Variants in IMMP2L observed in about 807,000 individuals in gnomAD.
IMMP2L encodes mitochondrial inner membrane protease subunit 2.
In IMMP2L, 18 loss-of-function variants were observed where a neutral mutation model predicts 19.3. That is an observed-to-expected ratio of 0.93 (90% CI 0.64 to 1.38). The LOEUF (loss-of-function observed/expected upper bound fraction) is 1.38. Ranked by LOEUF, IMMP2L falls within the 40% of genes most tolerant of loss-of-function variation. IMMP2L has a pLI of 0.00. For synonymous variants in IMMP2L, 76 were observed against 73.0 expected, an observed-to-expected ratio of 1.04 and a Z score of -0.21; for missense variants, 233 against 218.2, an observed-to-expected ratio of 1.07 and a Z score of -0.43.
At chr7:111,152,458 ATTTG>A (rs1372068358) in intron 3 of IMMP2L, among the ~76,000 whole-genome samples, 1 of 152,170 alleles carries the variant, frequency 6.6e-6, no homozygotes. Flanking sequence ...TTAGCACTGC[ATTTG>A]TTTATTTCTC....
chr7:111,197,603 T>C (rs377093241), intron 3 of IMMP2L, among the ~76,000 whole-genome samples: 5 of 152,288 alleles, frequency 3.3e-5, no homozygotes, highest in South Asian at 4.1e-4. Context: ...AATCATAGAA[T>C]TGGGCTTCAA....
intron 5 of IMMP2L, among the ~76,000 whole-genome samples, chr7:110,717,566 A>G (rs180717522): frequency 6.6e-6 from 1 of 152,350 alleles, no homozygotes; most frequent in East Asian, 1.9e-4. Flanking sequence ...CATAGCACCT[A>G]TTACTCTACT....
At chr7:111,124,201 T>C (rs766962009) in intron 3 of IMMP2L, 1 of 1,613,956 alleles carries the variant, frequency 6.2e-7, no homozygotes, top group Non-Finnish European at 8.5e-7. Flanking sequence ...CTATGTCCAT[T>C]CTGAGGGAAC....
At chr7:111,218,376 G>A (rs1040897625) in intron 3 of IMMP2L, among the ~76,000 whole-genome samples, 2 of 151,844 alleles carry the variant, frequency 1.3e-5, no homozygotes, top group African/African-American at 4.8e-5. Context: ...AAGAATGCAT[G>A]TACCTATGCT....
chr7:110,690,853 C>T (rs548495670), intron 5 of IMMP2L, among the ~76,000 whole-genome samples: 2 of 152,184 alleles, frequency 1.3e-5, no homozygotes, highest in East Asian at 3.9e-4. Flanking sequence ...ATTTCATGCT[C>T]ATGGATTGGA....
chr7:110,817,651 C>T (rs906900596), intron 5 of IMMP2L, among the ~76,000 whole-genome samples: 1 of 152,104 alleles, frequency 6.6e-6, no homozygotes, highest in Non-Finnish European at 1.5e-5. Flanking sequence ...GCCCGCATAG[C>T]CAAGTCAATC....
At chr7:111,000,436 A>G (rs1823536516) in intron 3 of IMMP2L, among the ~76,000 whole-genome samples, 1 of 152,236 alleles carries the variant, frequency 6.6e-6, no homozygotes, top group Non-Finnish European at 1.5e-5. Context: ...AATGTGATGT[A>G]ATAGAAATGA....
chr7:111,386,502 T>C (rs1831770930), intron 3 of IMMP2L, among the ~76,000 whole-genome samples: 1 of 152,134 alleles, frequency 6.6e-6, no homozygotes, highest in African/African-American at 2.4e-5. Flanking sequence ...GCATGCCAGC[T>C]ACTCAAATTC....
intron 1 of IMMP2L, among the ~76,000 whole-genome samples, chr7:111,537,560 G>A (rs1445576962): frequency 2.2e-5 from 3 of 134,032 alleles, no homozygotes; most frequent in Admixed American, 1.6e-4. Context: ...TTTTGAGACA[G>A]GGTCTCACTC....
intron 3 of IMMP2L, among the ~76,000 whole-genome samples, chr7:111,038,032 C>T (rs1166297987): frequency 1.3e-5 from 2 of 152,118 alleles, no homozygotes; most frequent in Admixed American, 6.6e-5. Flanking sequence ...TTGATAGATA[C>T]TATTATAGTG....
intron 2 of IMMP2L, among the ~76,000 whole-genome samples, chr7:111,520,840 T>C (rs1484716192): frequency 6.6e-6 from 1 of 152,160 alleles, no homozygotes; most frequent in Non-Finnish European, 1.5e-5. Flanking sequence ...CTTAATCTTT[T>C]CAATTAGCAA....
At chr7:111,132,155 C>T (rs554237018) in intron 3 of IMMP2L, among the ~76,000 whole-genome samples, 22 of 151,946 alleles carry the variant, frequency 1.4e-4, no homozygotes, top group African/African-American at 4.1e-4. Flanking sequence ...ACACAAAGAA[C>T]ACTAGTTTAT....
At chr7:110,783,791 C>T (rs1799896220) in intron 5 of IMMP2L, among the ~76,000 whole-genome samples, 1 of 151,870 alleles carries the variant, frequency 6.6e-6, no homozygotes, top group East Asian at 1.9e-4. Flanking sequence ...GAGAAGCAAG[C>T]TCTCTAAGGA....
At chr7:111,478,558 C>G (rs2132174265) in intron 3 of IMMP2L, among the ~76,000 whole-genome samples, 1 of 116,750 alleles carries the variant, frequency 8.6e-6, no homozygotes, top group African/African-American at 3.6e-5. Flanking sequence ...CCATGCCCAG[C>G]TTTTGTTTGT....
intron 5 of IMMP2L, among the ~76,000 whole-genome samples, chr7:110,864,107 C>A (rs1422667498): frequency 6.6e-6 from 1 of 152,006 alleles, no homozygotes; most frequent in African/African-American, 2.4e-5. Context: ...TGTATTAGTG[C>A]AAAATCAAAA....
intron 5 of IMMP2L, among the ~76,000 whole-genome samples, chr7:110,671,941 T>C (rs1321780443): frequency 6.6e-6 from 1 of 152,126 alleles, no homozygotes; most frequent in Non-Finnish European, 1.5e-5. Context: ...ATGCTGAATT[T>C]GCTAGCCCCT....
chr7:111,104,384 C>G (rs189603249), intron 3 of IMMP2L, among the ~76,000 whole-genome samples: 2 of 151,876 alleles, frequency 1.3e-5, no homozygotes, highest in East Asian at 3.9e-4. Context: ...TTTAGATTTA[C>G]CAAACTCTAC....
At chr7:111,024,522 A>C (rs1048332776) in intron 3 of IMMP2L, among the ~76,000 whole-genome samples, 1 of 152,194 alleles carries the variant, frequency 6.6e-6, no homozygotes, top group East Asian at 1.9e-4. Flanking sequence ...TCTTGAAAGT[A>C]AGCTGGGACA....
At chr7:111,407,296 T>C (rs1159232856) in intron 3 of IMMP2L, among the ~76,000 whole-genome samples, 1 of 151,866 alleles carries the variant, frequency 6.6e-6, no homozygotes, top group Non-Finnish European at 1.5e-5. Flanking sequence ...AACTCAGCAA[T>C]ACCATACCTA....
Sources: gnomAD v4.1 joint callset for allele counts (sites outside exome capture counted in the v4.1 genomes callset) on GRCh38, gnomAD v4.1.1 for gene constraint, MANE v1.5 for transcripts, NCBI Gene and HGNC (gene_info 2026-07-23, HGNC 2026-07-21) for gene names.